The following FBXO11 variants were observed in gnomAD, a reference collection of about 807,000 sequenced individuals.
The protein encoded by FBXO11 is F-box protein 11, also known as F-box only protein 11.
In FBXO11, 13 loss-of-function variants were observed where a neutral mutation model predicts 117.0. The ratio of observed to expected loss-of-function variants is 0.11; its 90% confidence interval spans 0.07 to 0.18. The LOEUF (loss-of-function observed/expected upper bound fraction) is 0.18. Among genes scored for constraint, FBXO11 ranks in the 10% least tolerant of loss-of-function variants. FBXO11 has a pLI of 1.00. For synonymous variants in FBXO11, 490 were observed against 380.5 expected (o/e 1.29, Z -3.35); for missense variants, 767 against 1,164.4 (o/e 0.66, Z 4.97).
At chr2:47,847,676 C>G (rs755812458) in intron 1 of FBXO11, among the ~76,000 whole-genome samples, 1 of 152,106 alleles carries the variant, frequency 6.6e-6, no homozygotes, top group Non-Finnish European at 1.5e-5. Context: ...TGCACTCCAG[C>G]CTGGGTGACA....
chr2:47,869,672 A>T (rs1390386323), intron 1 of FBXO11, among the ~76,000 whole-genome samples: 1 of 152,214 alleles, frequency 6.6e-6, no homozygotes, highest in Non-Finnish European at 1.5e-5. Flanking sequence ...AGTTATAAAG[A>T]AGTTATAAAG....
At chr2:47,885,204 G>C (rs1412600362) in intron 1 of FBXO11, among the ~76,000 whole-genome samples, 2 of 152,208 alleles carry the variant, frequency 1.3e-5, no homozygotes, top group East Asian at 3.8e-4. Context: ...AAAAGGAAGT[G>C]ATCGAATACT....
At chr2:47,888,344 A>G (rs1449829453) in intron 1 of FBXO11, among the ~76,000 whole-genome samples, 2 of 152,194 alleles carry the variant, frequency 1.3e-5, no homozygotes, top group African/African-American at 4.8e-5. Flanking sequence ...AAGAATTGGG[A>G]CAGTGGTTCC....
At chr2:47,865,133 T>C (rs890852965) in intron 1 of FBXO11, among the ~76,000 whole-genome samples, 3 of 152,204 alleles carry the variant, frequency 2.0e-5, no homozygotes, top group Non-Finnish European at 2.9e-5. Flanking sequence ...GCTCAATAAA[T>C]ACCCATCAAT....
chr2:47,872,168 G>A (rs1277298432), intron 1 of FBXO11, among the ~76,000 whole-genome samples: 2 of 152,138 alleles, frequency 1.3e-5, no homozygotes, highest in Admixed American at 1.3e-4. Context: ...ATGTATTAGA[G>A]TTAAGGCATA....
At chr2:47,845,525 C>G (rs922293891) in intron 1 of FBXO11, among the ~76,000 whole-genome samples, 2 of 152,150 alleles carry the variant, frequency 1.3e-5, no homozygotes, top group African/African-American at 4.8e-5. Flanking sequence ...AAGTTGGCTA[C>G]TACTGTGATA....
At chr2:47,852,268 G>A (rs1334111418) in intron 1 of FBXO11, among the ~76,000 whole-genome samples, 2 of 152,140 alleles carry the variant, frequency 1.3e-5, no homozygotes, top group Non-Finnish European at 2.9e-5. Flanking sequence ...GGGATTACAG[G>A]TATGAGCCAC....
Position 47,886,245 on chromosome 2 carries a change from C to T in FBXO11, c.232+19244G>A, listed in dbSNP as rs7582272. Among the ~76,000 whole-genome samples the T allele has an allele frequency of 3.3e-3, 507 of 152,208 alleles. 2 individuals carry two copies. The highest frequency in any genetic ancestry group is 0.011 in the African/African-American group (476 of 41,532). ...ACCTTTCGCCAGGCACGGTGCCTCA[C>T]GCTGTAATCCCAGCACTTTGGGAGG... is the stretch of plus-strand genomic sequence containing the variant. On this transcript the variant is annotated intron_variant, in intron 1 of 22. Transcript: ENST00000403359.
intron 1 of FBXO11, among the ~76,000 whole-genome samples, chr2:47,841,701 C>T (rs545283515): frequency 1.1e-3 from 167 of 152,132 alleles, no homozygotes; most frequent in Non-Finnish European, 1.9e-3. Flanking sequence ...AGTGCAGTGG[C>T]GTGATCTCAG....
At chr2:47,850,128 T>TAA (rs1191201093) in intron 1 of FBXO11, among the ~76,000 whole-genome samples, 1 of 152,032 alleles carries the variant, frequency 6.6e-6, no homozygotes, top group East Asian at 1.9e-4. Flanking sequence ...AGATACAAGA[T>TAA]AAAGCTCATA....
At position 47,813,241 on chromosome 2, in the gene FBXO11, C is replaced by G. The variant is rs776613767; in HGVS notation, c.2220G>C (p.Gly740=). 6.2e-7 allele frequency: 1 copy of G among 1,613,262 alleles called. No individual in the cohort carries two copies. Among genetic ancestry groups the G allele is most frequent in the African/African-American group, 1.3e-5 (1 of 74,820 alleles). ...GRDGGICIFN[G]GRGLLEENDI... ...CAAAATTAACAACAATACCTCGACC[C>G]CCATTAAATATACAGATGCCACCAT... Residue 740 remains glycine (G), a synonymous_variant, in exon 18 of 23, where the codon GGG becomes GGC. Coordinates refer to ENST00000403359, the MANE Select transcript of FBXO11 (RefSeq NM_001190274.2).
At chr2:47,867,133 C>T (rs1675256838) in intron 1 of FBXO11, among the ~76,000 whole-genome samples, 1 of 152,156 alleles carries the variant, frequency 6.6e-6, no homozygotes, top group African/African-American at 2.4e-5. Flanking sequence ...TTATTCTCTC[C>T]TCTCTTTATT....
chr2:47,817,838 C>T (rs1369283345), intron 16 of FBXO11, among the ~76,000 whole-genome samples: 1 of 152,190 alleles, frequency 6.6e-6, no homozygotes, highest in Non-Finnish European at 1.5e-5. Flanking sequence ...AAAACAATTA[C>T]AATAGTAACA....
intron 16 of FBXO11, among the ~76,000 whole-genome samples, chr2:47,817,586 C>T (rs1292790393): frequency 6.6e-6 from 1 of 152,144 alleles, no homozygotes. Context: ...TCCTCACTAA[C>T]CTTCATCATT....
At chr2:47,819,218 T>C (rs1671210355) in intron 14 of FBXO11, 140 bp from the exon 15 acceptor site, 4 of 728,662 alleles carry the variant, frequency 5.5e-6, no homozygotes, top group South Asian at 3.9e-5. Flanking sequence ...CAATATTCTT[T>C]TGTTTTGTTT....
At chr2:47,865,008 A>G (rs1175596410) in intron 1 of FBXO11, among the ~76,000 whole-genome samples, 1 of 152,236 alleles carries the variant, frequency 6.6e-6, no homozygotes, top group South Asian at 2.1e-4. Flanking sequence ...CTATTTATAG[A>G]GTAAAATTTT....
intron 11 of FBXO11, among the ~76,000 whole-genome samples, chr2:47,824,739 GAT>G (rs368662279): frequency 1.8e-4 from 28 of 152,218 alleles, no homozygotes; most frequent in African/African-American, 6.3e-4. Context: ...TGGAATTATG[GAT>G]AATTATGTGT....
At chr2:47,895,382 A>T (rs1290342091) in intron 1 of FBXO11, among the ~76,000 whole-genome samples, 1 of 152,242 alleles carries the variant, frequency 6.6e-6, no homozygotes, top group East Asian at 1.9e-4. Flanking sequence ...ACAAATATTA[A>T]GGGAGAATTC....
intron 17 of FBXO11, 134 bp from the exon 18 acceptor site, chr2:47,813,511 A>C: frequency 1.6e-6 from 1 of 610,776 alleles, no homozygotes; most frequent in Non-Finnish European, 2.5e-6. Context: ...GGCTCACTGC[A>C]ACCTCCACCT....
Sources: allele counts gnomAD v4.1 joint callset (sites outside exome capture counted in the v4.1 genomes callset), GRCh38; gene constraint gnomAD v4.1.1; transcripts MANE v1.5; gene names NCBI Gene and HGNC (gene_info 2026-07-23, HGNC 2026-07-21).